The following PPHLN1 variants were observed in gnomAD, a reference collection of about 807,000 sequenced individuals.
PPHLN1 encodes periphilin 1, also known as periphilin-1.
In PPHLN1, 29 loss-of-function variants were observed where a neutral mutation model predicts 51.3. The observed-to-expected ratio is 0.57, with a 90% CI of 0.42 to 0.77. The LOEUF is 0.77. Among genes scored for constraint, PPHLN1 ranks in the 30% least tolerant of loss-of-function variants. The pLI is 0.00. For synonymous variants in PPHLN1, 147 were observed against 147.8 expected (o/e 0.99, Z 0.04); for missense variants, 436 against 438.4 (o/e 0.99, Z 0.05).
intron 7 of PPHLN1, among the ~76,000 whole-genome samples, chr12:42,387,985 C>T (rs1384993021): frequency 3.3e-5 from 5 of 152,184 alleles, no homozygotes; most frequent in Admixed American, 1.3e-4. Flanking sequence ...TCTCTAGTCT[C>T]GATAAACCAG....
chr12:42,408,800 TA>T (rs1045051427), intron 9 of PPHLN1, among the ~76,000 whole-genome samples: 10 of 152,158 alleles, frequency 6.6e-5, no homozygotes, highest in Non-Finnish European at 1.0e-4. Context: ...GATCTTGAAA[TA>T]AGGCAGAAAT....
chr12:42,396,944 G>A (rs996732851), intron 8 of PPHLN1, among the ~76,000 whole-genome samples: 1 of 151,520 alleles, frequency 6.6e-6, no homozygotes, highest in Non-Finnish European at 1.5e-5. Flanking sequence ...GGAGGCTGAG[G>A]TGAGAGGATC....
rs2070577320 is a variant in PPHLN1, at chr12:42,335,939, C to G, written c.37C>G (p.Pro13Ala). ...GGGACGATATGAATATGAAAGAATT[C>G]CGAGAGAACGAGCACCTCCTCGAAG... The part of the protein sequence containing the change: ...SEGRYEYERI[P>A]RERAPPRSHP... The change falls in exon 2 of 10, where the codon CCG (proline) becomes GCG (alanine). Residue 13 changes from proline to alanine, a missense_variant. Transcript: ENST00000358314. The G allele has an allele frequency of 6.3e-7, 1 of 1,585,142 alleles. No individual in the cohort carries two copies. Among genetic ancestry groups the G allele is most frequent in the African/African-American group, 1.4e-5 (1 of 73,582 alleles).
downstream of PPHLN1, chr12:42,442,889 G>A (rs546897880): frequency 2.5e-5 from 33 of 1,294,444 alleles, no homozygotes; most frequent in Middle Eastern, 5.6e-4. Context: ...CCTCGGTTTC[G>A]CAGGCTCAAT....
At chr12:42,382,425 G>A (rs2076833380) in intron 5 of PPHLN1, among the ~76,000 whole-genome samples, 1 of 151,790 alleles carries the variant, frequency 6.6e-6, no homozygotes, top group Non-Finnish European at 1.5e-5. Flanking sequence ...CCTTCCTAAT[G>A]TGGAACCCAT....
chr12:42,348,311 G>T (rs1042497284), intron 2 of PPHLN1, among the ~76,000 whole-genome samples: 7 of 112,074 alleles, frequency 6.2e-5, no homozygotes, highest in African/African-American at 2.1e-4. Context: ...TAGTAGAAAC[G>T]GGGTTTCACC....
chr12:42,334,906 G>A (rs1388545777), intron 1 of PPHLN1, among the ~76,000 whole-genome samples: 1 of 152,204 alleles, frequency 6.6e-6, no homozygotes, highest in Non-Finnish European at 1.5e-5. Flanking sequence ...ATACATTTAT[G>A]TGTATTGTCT....
chr12:42,393,540 A>C, intron 7 of PPHLN1, 30 bp from the exon 8 acceptor site: 1 of 1,543,994 alleles, frequency 6.5e-7, no homozygotes, highest in Non-Finnish European at 8.7e-7. Flanking sequence ...GCCCTTGAGA[A>C]TTGTAACAGA....
intron 9 of PPHLN1, among the ~76,000 whole-genome samples, chr12:42,409,327 T>C (rs2079598363): frequency 6.6e-6 from 1 of 152,174 alleles, no homozygotes; most frequent in Non-Finnish European, 1.5e-5. Context: ...GCAGTGCAGA[T>C]ACTGGAGAAC....
Position 42,387,474 on chromosome 12 carries a change from A to T in PPHLN1, c.587A>T (p.Gln196Leu). Residue 196 changes from glutamine (Q) to leucine (L), a missense_variant, in exon 7 of 10, where the codon CAG (glutamine) becomes CTG (leucine). Coordinates refer to ENST00000358314, the MANE Select transcript of PPHLN1 (RefSeq NM_201439.2). Reference protein sequence around the residue: ...NPERDKERPVQSLKTSRDTSP... With the variant: ...NPERDKERPVLSLKTSRDTSP... ...TATATAGATAAAGAGAGGCCTGTCC[A>T]GTCTTTGAAAACATCAAGAGATACT... 6.2e-7 allele frequency: 1 copy of T among 1,613,206 alleles called. No homozygotes were observed.
chr12:42,441,073 C>T (rs1238422318), intron 9 of PPHLN1, among the ~76,000 whole-genome samples: 9 of 152,206 alleles, frequency 5.9e-5, no homozygotes, highest in African/African-American at 2.2e-4. Flanking sequence ...TGCCAAACTT[C>T]TATATTCAGT....
chr12:42,444,884 A>G, downstream of PPHLN1: 1 of 580,846 alleles, frequency 1.7e-6, no homozygotes, highest in Non-Finnish European at 3.0e-6. Context: ...GTAAAAATGG[A>G]AAAGCGGCTA....
chr12:42,360,291 C>T (rs1285549243), intron 4 of PPHLN1, among the ~76,000 whole-genome samples: 1 of 151,020 alleles, frequency 6.6e-6, no homozygotes, highest in Non-Finnish European at 1.5e-5. Context: ...CTTAGTCTTC[C>T]CTTGATTTTT....
chr12:42,333,031 C>T (rs1342207416), intron 1 of PPHLN1, among the ~76,000 whole-genome samples: 3 of 152,154 alleles, frequency 2.0e-5, no homozygotes, highest in African/African-American at 7.2e-5. Flanking sequence ...CTACCTAGTT[C>T]TCCCCAGAGG....
In PPHLN1 at chr12:42,360,458, C is replaced by CTTTTTTTT. The variant is rs71084642; in HGVS notation, c.299+5258_299+5265dup. 2.8e-4 allele frequency among the ~76,000 whole-genome samples: 16 copies of CTTTTTTTT among 56,292 alleles called. 1 individual carries two copies. The highest frequency in any genetic ancestry group is 8.4e-4 in the African/African-American group (11 of 13,100). 36.9% of individuals were successfully genotyped at this position (56,292 alleles called of 152,430 possible). On this transcript the variant is annotated intron_variant, in intron 4 of 9. Transcript: ENST00000358314. ...ACAGTTCCTGAAGTGATGCTGAATTCTTTTTTTTTTTTTTTTTTTTTTTTT... is the reference window on the plus strand; with the variant it reads ...ACAGTTCCTGAAGTGATGCTGAATTCTTTTTTTTTTTTTTTTTTTTTTTTTTTTTTTTT...
In PPHLN1 at chr12:42,374,974, A is replaced by G; in HGVS notation, c.411A>G (p.Arg137=). 1 of 1,614,072 alleles carries G rather than the reference A, an allele frequency of 6.2e-7. No individual in the cohort carries two copies. ...NTFFRESPVG[R]KDSPHSRSGS... The stretch of plus-strand genomic sequence containing the variant: ...TTTTCAGAGAATCACCTGTTGGCCG[A>G]AAGGATTCTCCACACAGCAGATCTG... The change falls in exon 5 of 10, where the codon CGA becomes CGG. Residue 137 remains arginine (R), a synonymous_variant. Coordinates refer to ENST00000358314, the MANE Select transcript of PPHLN1 (RefSeq NM_201439.2).
chr12:42,425,410 G>A (rs2081367618), intron 9 of PPHLN1, among the ~76,000 whole-genome samples: 1 of 140,234 alleles, frequency 7.1e-6, no homozygotes. Context: ...TTATTGAGAT[G>A]GAGTCTTGCT....
chr12:42,374,130 T>A (rs182940105), intron 4 of PPHLN1, among the ~76,000 whole-genome samples: 1 of 152,298 alleles, frequency 6.6e-6, no homozygotes, highest in Admixed American at 6.5e-5. Flanking sequence ...GTTTCTATAC[T>A]TAGAAGGGGA....
rs560147473 is a variant in PPHLN1, at chr12:42,432,447, C to T, written c.910-8868C>T. ...ACAAATACAAATGGAATCATACTGTCTTCTCTGGGTAGTTTATTTTCACTG... is the reference window on the plus strand; with the variant it reads ...ACAAATACAAATGGAATCATACTGTTTTCTCTGGGTAGTTTATTTTCACTG... On this transcript the variant is annotated intron_variant, in intron 9 of 9. Transcript: ENST00000358314. The T allele has an allele frequency of 1.4e-5, 11 of 761,872 alleles. No homozygotes were observed. In the East Asian group the frequency reaches 2.5e-4, roughly 17 times the overall value. The allele number at this position is 761,872 out of a possible 1,614,324, so 47.2% of individuals were successfully genotyped here.
Sources: allele counts gnomAD v4.1 joint callset (sites outside exome capture counted in the v4.1 genomes callset), GRCh38; gene constraint gnomAD v4.1.1; transcripts MANE v1.5; gene names NCBI Gene and HGNC (gene_info 2026-07-23, HGNC 2026-07-21).